The following ULK4 variants were observed in gnomAD, a reference collection of about 807,000 sequenced individuals.
ULK4 encodes inactive serine/threonine-protein kinase ULK4.
Under a neutral mutation model 160.6 loss-of-function variants are expected in ULK4, and 133 were observed. The ratio of observed to expected loss-of-function variants is 0.83; its 90% CI spans 0.72 to 0.96. The LOEUF is 0.96. ULK4 is among the 40% of genes least tolerant of loss of function. The probability of loss-of-function intolerance (pLI) is 0.00; values close to 1 mark genes in which losing one functional copy is unlikely to be tolerated. For missense variants in ULK4, 1,580 were observed against 1,499.5 expected, an observed-to-expected ratio of 1.05 and a Z score of -0.89; for synonymous variants, 534 against 539.8, an observed-to-expected ratio of 0.99 and a Z score of 0.15.
At chr3:41,693,436 G>A (rs911906253) in intron 27 of ULK4, among the ~76,000 whole-genome samples, 1 of 152,208 alleles carries the variant, frequency 6.6e-6, no homozygotes, top group African/African-American at 2.4e-5. Flanking sequence ...CAACTACCTA[G>A]TGGGCCAAAC....
intron 27 of ULK4, among the ~76,000 whole-genome samples, chr3:41,697,880 T>C (rs1037928898): frequency 1.3e-5 from 2 of 152,224 alleles, no homozygotes; most frequent in Non-Finnish European, 2.9e-5. Context: ...GGCCTTCAGA[T>C]TCACTCACCA....
chr3:41,824,225 G>C (rs140321477), intron 18 of ULK4, among the ~76,000 whole-genome samples: 4 of 151,002 alleles, frequency 2.6e-5, no homozygotes, highest in South Asian at 4.2e-4. Context: ...CCAGTCTACA[G>C]CTCCCAGCAT....
chr3:41,541,020 G>A (rs2086678054), intron 32 of ULK4, among the ~76,000 whole-genome samples: 1 of 152,120 alleles, frequency 6.6e-6, no homozygotes, highest in African/African-American at 2.4e-5. Flanking sequence ...GTGTGCAGAA[G>A]CTCTTTAGTT....
chr3:41,900,396 CA>C (rs1218573262), intron 13 of ULK4, among the ~76,000 whole-genome samples: 2 of 152,202 alleles, frequency 1.3e-5, no homozygotes, highest in East Asian at 3.9e-4. Context: ...TACGGAGAAA[CA>C]AAAGGACTGA....
intron 18 of ULK4, 84 bp downstream of exon 18, chr3:41,835,780 A>G (rs2041735577): frequency 9.4e-7 from 1 of 1,066,658 alleles, no homozygotes; most frequent in Non-Finnish European, 1.4e-6. Context: ...CAAAATCAAA[A>G]AACTTTTATA....
chr3:41,895,080 G>A (rs1241965186), intron 16 of ULK4, among the ~76,000 whole-genome samples: 2 of 152,090 alleles, frequency 1.3e-5, no homozygotes, highest in Non-Finnish European at 2.9e-5. Flanking sequence ...AATACACAGG[G>A]ATCAGGGTTT....
intron 31 of ULK4, among the ~76,000 whole-genome samples, chr3:41,582,383 A>T (rs890911306): frequency 2.6e-5 from 4 of 152,210 alleles, no homozygotes; most frequent in African/African-American, 9.6e-5. Context: ...CACTCGGTTA[A>T]TAAGTACCTA....
chr3:41,341,083 G>A (rs569622547), intron 35 of ULK4, among the ~76,000 whole-genome samples: 8 of 152,282 alleles, frequency 5.3e-5, no homozygotes, highest in Admixed American at 1.3e-4. Flanking sequence ...GCCATCTCAC[G>A]GCTGGGAGCA....
At chr3:41,618,589 C>CTT (rs2033091202) in intron 30 of ULK4, among the ~76,000 whole-genome samples, 3 of 152,136 alleles carry the variant, frequency 2.0e-5, no homozygotes. Context: ...GATTTTGTCA[C>CTT]TACCAGGCCT....
intron 32 of ULK4, among the ~76,000 whole-genome samples, chr3:41,519,996 G>C (rs1186216074): frequency 6.6e-6 from 1 of 152,202 alleles, no homozygotes; most frequent in Non-Finnish European, 1.5e-5. Flanking sequence ...CCAGCAGAAT[G>C]TGAACAAAAG....
At chr3:41,489,259 C>T (rs2084659613) in intron 32 of ULK4, among the ~76,000 whole-genome samples, 1 of 152,166 alleles carries the variant, frequency 6.6e-6, no homozygotes, top group Non-Finnish European at 1.5e-5. Flanking sequence ...AGATACTTTA[C>T]TGACAAACAC....
intron 35 of ULK4, among the ~76,000 whole-genome samples, chr3:41,301,403 A>G (rs1407967784): frequency 6.6e-6 from 1 of 152,204 alleles, no homozygotes; most frequent in Non-Finnish European, 1.5e-5. Context: ...GATACCTTCT[A>G]ATTAGCTCTA....
chr3:41,570,598 T>A (rs1051818324), intron 31 of ULK4, among the ~76,000 whole-genome samples: 7 of 152,256 alleles, frequency 4.6e-5, no homozygotes, highest in African/African-American at 9.6e-5. Flanking sequence ...TCAGTCTTAC[T>A]AGAAATAAAT....
chr3:41,336,554 C>G (rs1025648903), intron 35 of ULK4, among the ~76,000 whole-genome samples: 4 of 152,182 alleles, frequency 2.6e-5, no homozygotes, highest in African/African-American at 9.7e-5. Context: ...CGAGAACTTG[C>G]TGGTACAGGC....
chr3:41,280,637 T>C (rs2079333395), intron 35 of ULK4, among the ~76,000 whole-genome samples: 1 of 152,196 alleles, frequency 6.6e-6, no homozygotes, highest in Admixed American at 6.5e-5. Context: ...TGTACCAGAA[T>C]CTCTGGGACA....
chr3:41,880,392 C>T (rs1350775581), intron 17 of ULK4, among the ~76,000 whole-genome samples: 2 of 151,974 alleles, frequency 1.3e-5, no homozygotes, highest in Admixed American at 6.6e-5. Flanking sequence ...TTTTCTGTAG[C>T]TGTTGATGAC....
chr3:41,555,930 A>T (rs2087278239), intron 32 of ULK4, among the ~76,000 whole-genome samples: 1 of 152,222 alleles, frequency 6.6e-6, no homozygotes, highest in South Asian at 2.1e-4. Flanking sequence ...ACAGGAACAG[A>T]AAACCAAATA....
chr3:41,772,103 C>T (rs1266335335), intron 21 of ULK4, among the ~76,000 whole-genome samples: 1 of 151,966 alleles, frequency 6.6e-6, no homozygotes, highest in Admixed American at 6.6e-5. Context: ...GCTCTAAATG[C>T]CCACAAGAGA....
At position 41,580,366 on chromosome 3, in the gene ULK4, C is replaced by A. The variant is rs114662307; in HGVS notation, c.3121-14236G>T. 4.2e-3 allele frequency among the ~76,000 whole-genome samples: 641 copies of A among 151,080 alleles called. 3 individuals carry two copies. The highest frequency in any genetic ancestry group is 6.0e-3 in the Non-Finnish European group (409 of 67,948). On this transcript the variant is annotated intron_variant, in intron 31 of 36. Transcript: ENST00000301831. ...CTCAGGGCACAAATAACAAGTTAAACCAATTATTTATTTTTTTTTTTTTAA... is the reference window on the plus strand; with the variant it reads ...CTCAGGGCACAAATAACAAGTTAAAACAATTATTTATTTTTTTTTTTTTAA...
Sources: gnomAD v4.1 joint callset for allele counts (sites outside exome capture counted in the v4.1 genomes callset) on GRCh38, gnomAD v4.1.1 for gene constraint, MANE v1.5 for transcripts, NCBI Gene and HGNC (gene_info 2026-07-23, HGNC 2026-07-21) for gene names.